Variants in RCC1 observed in about 807,000 individuals in gnomAD.
RCC1 encodes regulator of chromosome condensation.
In RCC1, 11 loss-of-function variants were observed where a neutral mutation model predicts 44.4. That is an observed-to-expected ratio of 0.25 (90% CI 0.16 to 0.41). RCC1 has a LOEUF of 0.41. RCC1 is among the 10% of genes least tolerant of loss of function. RCC1 has a pLI of 1.00. For missense variants in RCC1, 386 were observed against 547.1 expected (o/e 0.71, Z 2.94); for synonymous variants, 213 against 216.5 (o/e 0.98, Z 0.14).
chr1:28,516,138 G>T (rs902364162), intron 3 of RCC1, among the ~76,000 whole-genome samples: 1 of 151,818 alleles, frequency 6.6e-6, no homozygotes, highest in Admixed American at 6.6e-5. Context: ...AGCTGAAATC[G>T]TGCCATTGCA....
intron 4 of RCC1, among the ~76,000 whole-genome samples, chr1:28,521,227 A>C (rs1329972417): frequency 6.7e-6 from 1 of 150,312 alleles, no homozygotes; most frequent in East Asian, 2.0e-4. Flanking sequence ...TCTGGCCGGG[A>C]GCAGTGGCTC....
intron 4 of RCC1, among the ~76,000 whole-genome samples, chr1:28,521,416 G>A (rs565370506): frequency 1.3e-5 from 2 of 151,874 alleles, no homozygotes; most frequent in South Asian, 2.1e-4. Context: ...CAGGAGAATG[G>A]CGTGAACCTG....
chr1:28,532,453 G>A (rs553449141), intron 7 of RCC1, 103 bp downstream of exon 7: 3 of 1,318,432 alleles, frequency 2.3e-6, no homozygotes, highest in African/African-American at 1.5e-5. Context: ...CTTACTGGTG[G>A]GGAGATGAAA....
At chr1:28,512,145 T>A (rs1662593063) in intron 3 of RCC1, among the ~76,000 whole-genome samples, 1 of 151,202 alleles carries the variant, frequency 6.6e-6, no homozygotes, top group Admixed American at 6.6e-5. Context: ...GGCTAATTTT[T>A]GTGTTTTTTT....
intron 3 of RCC1, among the ~76,000 whole-genome samples, chr1:28,513,702 G>A (rs879810898): frequency 2.0e-5 from 3 of 151,856 alleles, no homozygotes; most frequent in African/African-American, 4.8e-5. Context: ...CTCCCAGCTC[G>A]GTCTCCTGAG....
At position 28,535,799 on chromosome 1, in the gene RCC1, A is replaced by T. The variant is rs1024617011; in HGVS notation, c.662-72A>T. 3.3e-6 allele frequency: 5 copies of T among 1,522,772 alleles called. No individual in the cohort carries two copies. The African/African-American group carries it at 6.9e-5, about 21-fold the overall frequency. 94.3% of individuals were successfully genotyped at this position (1,522,772 alleles called of 1,614,324 possible). A position where few individuals can be genotyped will look rare whatever the true frequency, so the allele number is the denominator to read the frequency against. ...CTCAAGGGCTTTTATAATGGAGGAG[A>T]ATTAAACTCGGGGCAGAGAGAAGCC... On this transcript the variant is annotated intron_variant, in intron 9 of 12. Coordinates refer to ENST00000683442, the MANE Select transcript of RCC1 (RefSeq NM_001381865.2).
At chr1:28,532,556 A>G (rs1664245483) in intron 7 of RCC1, 2 of 578,470 alleles carry the variant, frequency 3.5e-6, no homozygotes, top group Non-Finnish European at 3.1e-6. Context: ...ATCCGATGTC[A>G]TCAAGTGTCT....
chr1:28,506,171 A>G (rs1557862763), intron 1 of RCC1, 87 bp downstream of exon 1: 1 of 447,122 alleles, frequency 2.2e-6, no homozygotes, highest in East Asian at 7.0e-5. Context: ...GAGCTTCCCT[A>G]GGAAGATCAT....
intron 7 of RCC1, among the ~76,000 whole-genome samples, chr1:28,533,947 G>A (rs1268026497): frequency 8.1e-6 from 1 of 123,254 alleles, no homozygotes; most frequent in Non-Finnish European, 1.6e-5. Context: ...ACACAATCTC[G>A]GCTCAGTGCA....
chr1:28,514,447 CTCAAAAAAAAA>C (rs1449449418), intron 3 of RCC1, among the ~76,000 whole-genome samples: 4 of 123,550 alleles, frequency 3.2e-5, no homozygotes, highest in Admixed American at 1.5e-4. Context: ...GAGACTCCGT[CTCAAAAAAAAA>C]ACAAAAAAAA....
At chr1:28,510,800 A>G (rs550213129) in intron 3 of RCC1, 3 of 152,462 alleles carry the variant, frequency 2.0e-5, no homozygotes, top group African/African-American at 7.2e-5. Flanking sequence ...AAGAAGCCAG[A>G]TGAGTCAGCC....
intron 3 of RCC1, among the ~76,000 whole-genome samples, chr1:28,515,495 TC>T (rs1233650157): frequency 1.3e-5 from 2 of 150,688 alleles, no homozygotes; most frequent in Middle Eastern, 3.5e-3. Context: ...GATGGGTGGA[TC>T]ACTTGAGGTC....
At chr1:28,528,426 G>C (rs1663837326) in intron 4 of RCC1, among the ~76,000 whole-genome samples, 1 of 152,162 alleles carries the variant, frequency 6.6e-6, no homozygotes, top group African/African-American at 2.4e-5. Context: ...TTGCACTCTA[G>C]CCTGGGTGAC....
intron 7 of RCC1, among the ~76,000 whole-genome samples, chr1:28,533,312 A>G (rs570318527): frequency 6.6e-6 from 1 of 151,952 alleles, no homozygotes; most frequent in South Asian, 2.1e-4. Flanking sequence ...TCTACTAAAA[A>G]TACAAAAAAT....
At chr1:28,522,461 C>T (rs1663345008) in intron 4 of RCC1, among the ~76,000 whole-genome samples, 1 of 152,014 alleles carries the variant, frequency 6.6e-6, no homozygotes, top group Non-Finnish European at 1.5e-5. Flanking sequence ...AAAAGGGGAC[C>T]ACTAAGGAGT....
intron 12 of RCC1, 22 bp from the exon 13 acceptor site, chr1:28,537,810 T>C (rs1664642918): frequency 1.2e-6 from 2 of 1,603,916 alleles, no homozygotes; most frequent in African/African-American, 1.3e-5. Flanking sequence ...GAGACAGCTG[T>C]ACCCATTTCT....
At chr1:28,519,506 G>GT (rs1399065324) in intron 4 of RCC1, among the ~76,000 whole-genome samples, 31 of 152,278 alleles carry the variant, frequency 2.0e-4, no homozygotes, top group African/African-American at 7.0e-4. Flanking sequence ...AACCCACCCA[G>GT]TCCCCCAGAG....
Position 28,538,120 on chromosome 1 carries a change from G to C in RCC1, c.*113G>C. ...CTCCCCAGCCCTGAGCACTGTGTCAGTTCCTGCCTTTTCTCATCAGCAGAA... is the reference window on the plus strand; with the variant it reads ...CTCCCCAGCCCTGAGCACTGTGTCACTTCCTGCCTTTTCTCATCAGCAGAA... On this transcript the variant is annotated 3_prime_UTR_variant, in exon 13 of 13. Coordinates refer to ENST00000683442, the MANE Select transcript of RCC1 (RefSeq NM_001381865.2). 2 of 895,488 alleles carry C rather than the reference G, an allele frequency of 2.2e-6. No individual in the cohort carries two copies. Among genetic ancestry groups the C allele is most frequent in the Middle Eastern group, 3.3e-4 (1 of 3,064 alleles). The allele number at this position is 895,488 out of a possible 1,614,324, so 55.5% of individuals were successfully genotyped here.
intron 3 of RCC1, among the ~76,000 whole-genome samples, chr1:28,514,478 G>T (rs1279395554): frequency 1.3e-5 from 2 of 148,186 alleles, no homozygotes; most frequent in Non-Finnish European, 3.0e-5. Context: ...AAACCTTCTG[G>T]CGGCCTGGTG....
Sources: gnomAD v4.1 joint callset for allele counts (sites outside exome capture counted in the v4.1 genomes callset) on GRCh38, gnomAD v4.1.1 for gene constraint, MANE v1.5 for transcripts, NCBI Gene and HGNC (gene_info 2026-07-23, HGNC 2026-07-21) for gene names.